The following ADGRA3 variants were observed in gnomAD, a reference collection of about 807,000 sequenced individuals.
ADGRA3 encodes the protein G-protein coupled receptor 125.
ADGRA3 carries 56 observed loss-of-function variants against 119.8 expected under a neutral mutation model. The observed-to-expected ratio is 0.47, with a 90% CI of 0.38 to 0.58. The LOEUF is 0.58. Ranked by LOEUF, ADGRA3 falls within the 20% of genes least tolerant of loss-of-function variation. The probability of loss-of-function intolerance (pLI) is 0.00; values close to 1 mark genes in which losing one functional copy is unlikely to be tolerated. For synonymous variants in ADGRA3, 607 were observed against 623.8 expected (o/e 0.97, Z 0.40); for missense variants, 1,516 against 1,649.0 (o/e 0.92, Z 1.40).
chr4:22,401,312 ATTTAAC>A (rs1345081459), intron 16 of ADGRA3, 113 bp downstream of exon 16: 5 of 872,124 alleles, frequency 5.7e-6, no homozygotes, highest in Non-Finnish European at 8.4e-6. Flanking sequence ...CAGACAATAA[ATTTAAC>A]TTTAATCAGT....
intron 2 of ADGRA3, among the ~76,000 whole-genome samples, chr4:22,470,440 C>T (rs367840594): frequency 1.3e-5 from 2 of 152,012 alleles, no homozygotes; most frequent in East Asian, 1.9e-4. Context: ...ATTAGTTCAA[C>T]GGAGCCAGCT....
intron 5 of ADGRA3, among the ~76,000 whole-genome samples, chr4:22,445,523 C>G (rs542569998): frequency 1.3e-5 from 2 of 152,270 alleles, no homozygotes; most frequent in Non-Finnish European, 1.5e-5. Context: ...GAAGCCATCC[C>G]CAATTTTCCA....
At chr4:22,505,316 C>A (rs1475928131) in intron 1 of ADGRA3, among the ~76,000 whole-genome samples, 2 of 152,176 alleles carry the variant, frequency 1.3e-5, no homozygotes, top group Non-Finnish European at 1.5e-5. Flanking sequence ...GTTCTTAAAA[C>A]CGTCTTGCAA....
chr4:22,509,732 C>T (rs1415029975), intron 1 of ADGRA3, among the ~76,000 whole-genome samples: 1 of 151,752 alleles, frequency 6.6e-6, no homozygotes, highest in Non-Finnish European at 1.5e-5. Flanking sequence ...ATGACTTGGC[C>T]GGGCGCGGTG....
In ADGRA3 at chr4:22,445,046, A is replaced by G. The variant is rs957732623; in HGVS notation, c.633T>C (p.Asp211=). 6.2e-7 allele frequency: 1 copy of G among 1,613,898 alleles called. No individual in the cohort carries two copies. Among genetic ancestry groups the G allele is most frequent in the African/African-American group, 1.3e-5 (1 of 74,918 alleles). The change falls in exon 6 of 19, where the codon GAT becomes GAC. Residue 211 remains aspartate (D), a synonymous_variant. Transcript: ENST00000334304. ...WVKEKNITVR[D]TRCVYPKSLQ... ...GTGACTTAGGATAAACACACCTGGT[A>G]TCCCGTACCGTGATGTTCTTCTCCT...
At chr4:22,398,078 G>C in intron 16 of ADGRA3, 1 of 985,358 alleles carries the variant, frequency 1.0e-6, no homozygotes, top group Non-Finnish European at 1.2e-6. Context: ...GGATGTAGTT[G>C]ATCTGAGACC....
chr4:22,408,732 A>T (rs1448399986), intron 14 of ADGRA3, among the ~76,000 whole-genome samples: 1 of 152,184 alleles, frequency 6.6e-6, no homozygotes, highest in Non-Finnish European at 1.5e-5. Flanking sequence ...GCATGGCTTT[A>T]GCTACTTAAA....
intron 1 of ADGRA3, among the ~76,000 whole-genome samples, chr4:22,504,854 G>A (rs183717650): frequency 4.3e-4 from 65 of 152,108 alleles, no homozygotes; most frequent in African/African-American, 1.4e-3. Flanking sequence ...ACGAGGCTCC[G>A]AAAAATACCA....
At chr4:22,470,767 C>A (rs1288365919) in intron 2 of ADGRA3, among the ~76,000 whole-genome samples, 1 of 152,100 alleles carries the variant, frequency 6.6e-6, no homozygotes, top group Non-Finnish European at 1.5e-5. Flanking sequence ...CAGGGGGTGA[C>A]CCCAGAATGC....
Position 22,388,084 on chromosome 4 carries a change from G to C in ADGRA3, c.3587C>G (p.Thr1196Arg), listed in dbSNP as rs61729361. Residue 1196 changes from threonine to arginine, a missense_variant, in exon 19 of 19, where the codon ACG (threonine) becomes AGG (arginine). Thr to Arg is a moderately conservative substitution (Grantham distance 71). Transcript: ENST00000334304. ...GTTCTGCACGCTTCCTTCCACGCTC[G>C]TTGGGACATCGTAGGCATATTCTCT... is the stretch of plus-strand genomic sequence containing the variant. The part of the protein sequence containing the change: ...VLREYAYDVP[T>R]SVEGSVQNGL... 3.7e-4 allele frequency: 600 copies of C among 1,614,130 alleles called. 1 individual carries two copies. In the African/African-American group the frequency reaches 6.2e-3, roughly 17 times the overall value.
chr4:22,442,265 C>A (rs963728945), intron 7 of ADGRA3, among the ~76,000 whole-genome samples: 20 of 151,842 alleles, frequency 1.3e-4, no homozygotes, highest in Admixed American at 1.1e-3. Flanking sequence ...AGATAAGTAC[C>A]TTAAAATATT....
intron 1 of ADGRA3, among the ~76,000 whole-genome samples, chr4:22,475,746 TA>T (rs1291270069): frequency 7.1e-5 from 10 of 140,844 alleles, no homozygotes; most frequent in Admixed American, 1.4e-4. Context: ...AATAAATAAA[TA>T]AAAAAAAAAG....
chr4:22,403,163 A>T (rs16872621), intron 14 of ADGRA3, among the ~76,000 whole-genome samples: 13,481 of 152,034 alleles, frequency 0.089, 1,062 homozygotes, highest in East Asian at 0.32. Context: ...ACTCTGCATA[A>T]TCACTAGCTG....
At chr4:22,452,274 T>C (rs1022180534) in intron 4 of ADGRA3, among the ~76,000 whole-genome samples, 1 of 151,894 alleles carries the variant, frequency 6.6e-6, no homozygotes, top group African/African-American at 2.4e-5. Flanking sequence ...AGGAAGAGGG[T>C]GGATGATGAG....
intron 10 of ADGRA3, among the ~76,000 whole-genome samples, chr4:22,434,558 T>G (rs1311223987): frequency 6.6e-6 from 1 of 152,192 alleles, no homozygotes; most frequent in Non-Finnish European, 1.5e-5. Flanking sequence ...TCCCTCTACC[T>G]CTATAATTAA....
At chr4:22,500,208 C>T (rs1719004869) in intron 1 of ADGRA3, among the ~76,000 whole-genome samples, 1 of 152,230 alleles carries the variant, frequency 6.6e-6, no homozygotes, top group Admixed American at 6.5e-5. Context: ...CTTACCCCAA[C>T]ACCACTACCA....
At chr4:22,489,773 T>C (rs2109146789) in intron 1 of ADGRA3, among the ~76,000 whole-genome samples, 1 of 152,310 alleles carries the variant, frequency 6.6e-6, no homozygotes, top group Non-Finnish European at 1.5e-5. Context: ...TATTCTGCCT[T>C]CCCAAACCAT....
chr4:22,468,599 T>C (rs1377576857), intron 2 of ADGRA3, among the ~76,000 whole-genome samples: 1 of 151,810 alleles, frequency 6.6e-6, no homozygotes, highest in Non-Finnish European at 1.5e-5. Flanking sequence ...TGAAACCCCA[T>C]CTCTACCCAA....
chr4:22,397,364 C>T (rs371775071), intron 16 of ADGRA3, among the ~76,000 whole-genome samples: 7 of 151,772 alleles, frequency 4.6e-5, no homozygotes, highest in Non-Finnish European at 8.8e-5. Context: ...GTACTTTTAG[C>T]GGAGATGGGG....
Sources: gnomAD v4.1 joint callset for allele counts (sites outside exome capture counted in the v4.1 genomes callset) on GRCh38, gnomAD v4.1.1 for gene constraint, MANE v1.5 for transcripts, NCBI Gene and HGNC (gene_info 2026-07-23, HGNC 2026-07-21) for gene names.